FBXO34: variants seen among roughly 807,000 people sequenced by gnomAD.
FBXO34 encodes F-box only protein 34.
Under a neutral mutation model 24.5 loss-of-function variants are expected in FBXO34, and 12 were observed. The ratio of observed to expected loss-of-function variants is 0.49; its 90% confidence interval spans 0.31 to 0.79. FBXO34 has a LOEUF of 0.79. Ranked by LOEUF, FBXO34 falls within the 30% of genes least tolerant of loss-of-function variation. FBXO34 has a pLI of 0.04. For missense variants in FBXO34, 823 were observed against 857.7 expected (o/e 0.96, Z 0.51); for synonymous variants, 320 against 311.9 (o/e 1.03, Z -0.27).
chr14:55,323,959 C>T (rs1594751958), intron 1 of FBXO34, among the ~76,000 whole-genome samples: 1 of 152,036 alleles, frequency 6.6e-6, no homozygotes, highest in South Asian at 2.1e-4. Flanking sequence ...TGAAAGTGTA[C>T]AGTTCACTGG....
chr14:55,294,043 C>T (rs1882037647), intron 1 of FBXO34, among the ~76,000 whole-genome samples: 1 of 152,098 alleles, frequency 6.6e-6, no homozygotes, highest in Non-Finnish European at 1.5e-5. Flanking sequence ...TTCCTTACCT[C>T]CTTAAAATGT....
the FBXO34 span, among the ~76,000 whole-genome samples, chr14:55,420,778 G>T: frequency 6.6e-6 from 1 of 152,088 alleles, no homozygotes; most frequent in African/African-American, 2.4e-5. Flanking sequence ...GAAATTTGGG[G>T]GTTGGGTGCG....
intron 1 of FBXO34, among the ~76,000 whole-genome samples, chr14:55,273,364 A>G (rs533385248): frequency 8.5e-5 from 13 of 152,332 alleles, no homozygotes; most frequent in African/African-American, 3.1e-4. Context: ...TCACAAAACA[A>G]GGCTTTCCTG....
the FBXO34 span, among the ~76,000 whole-genome samples, chr14:55,420,925 G>A: frequency 6.6e-6 from 1 of 151,988 alleles, no homozygotes; most frequent in Non-Finnish European, 1.5e-5. Context: ...GCTGGGCATA[G>A]TGGCAGGTGC....
At chr14:55,373,677 T>G (rs536284382), downstream of FBXO34, among the ~76,000 whole-genome samples, 1 of 152,202 alleles carries the variant, frequency 6.6e-6, no homozygotes, top group South Asian at 2.1e-4. Flanking sequence ...CGGGCTGGTC[T>G]CAAACTCCTG....
At chr14:55,380,508 T>G in the FBXO34 span, 1 of 1,109,506 alleles carries the variant, frequency 9.0e-7, no homozygotes, top group Non-Finnish European at 1.3e-6. Context: ...TTGGAATAAA[T>G]AAAGACAAAA....
chr14:55,332,516 T>C (rs1883631064), intron 1 of FBXO34, among the ~76,000 whole-genome samples: 1 of 152,214 alleles, frequency 6.6e-6, no homozygotes, highest in Non-Finnish European at 1.5e-5. Flanking sequence ...TTGTTGATTA[T>C]TGTAGAAGTG....
intron 1 of FBXO34, among the ~76,000 whole-genome samples, chr14:55,302,962 T>G (rs1053581379): frequency 5.9e-5 from 9 of 152,240 alleles, no homozygotes; most frequent in African/African-American, 1.7e-4. Flanking sequence ...TTGTCAGGGC[T>G]TGTCAGCCGA....
At chr14:55,346,783 G>A (rs1884174194) in intron 1 of FBXO34, among the ~76,000 whole-genome samples, 2 of 152,152 alleles carry the variant, frequency 1.3e-5, no homozygotes, top group South Asian at 2.1e-4. Context: ...AAAAAAGGCC[G>A]TTGAGTTTAT....
downstream of FBXO34, chr14:55,370,068 T>C (rs891562652): frequency 1.9e-5 from 12 of 648,226 alleles, no homozygotes; most frequent in African/African-American, 2.0e-4. Context: ...CAGCACTCCG[T>C]GTTGACATAT....
chr14:55,286,640 G>T lies in FBXO34; in HGVS notation c.-11+15103G>T, dbSNP rs142248051. ...GAGCATTTACTCTGATAGGGTTAAT[G>T]ATTGTAAGCCCCTAACGAAATTTCC... On this transcript the variant is annotated intron_variant, in intron 1 of 1. Transcript: ENST00000313833. Among the ~76,000 whole-genome samples the T allele has an allele frequency of 1.8e-3, 270 of 152,234 alleles. 3 individuals are homozygous for T. The highest frequency in any genetic ancestry group is 6.2e-3 in the African/African-American group (258 of 41,536).
chr14:55,409,935 C>T, the FBXO34 span, among the ~76,000 whole-genome samples: 1 of 151,956 alleles, frequency 6.6e-6, no homozygotes, highest in Non-Finnish European at 1.5e-5. Context: ...GTAGATTGGA[C>T]CAGGTGATGG....
At chr14:55,415,881 A>G in the FBXO34 span, among the ~76,000 whole-genome samples, 2 of 152,172 alleles carry the variant, frequency 1.3e-5, no homozygotes, top group Non-Finnish European at 2.9e-5. Context: ...AAAAAAATGT[A>G]TGGTGTGTAT....
At chr14:55,359,364 C>T (rs1884563480) in intron 3 of FBXO34, among the ~76,000 whole-genome samples, 1 of 152,174 alleles carries the variant, frequency 6.6e-6, no homozygotes, top group Non-Finnish European at 1.5e-5. Flanking sequence ...AAAATTCGTT[C>T]CATCCAACAG....
At chr14:55,288,077 C>T (rs1016516155) in intron 1 of FBXO34, among the ~76,000 whole-genome samples, 2 of 152,114 alleles carry the variant, frequency 1.3e-5, no homozygotes, top group African/African-American at 4.8e-5. Context: ...TCAACCTGTG[C>T]TATCAGCCAG....
At chr14:55,299,163 C>T in intron 1 of FBXO34, 1 of 1,078,388 alleles carries the variant, frequency 9.3e-7, no homozygotes, top group Admixed American at 1.7e-5. Context: ...AGTCAGTGGC[C>T]CCGAAACAGT....
At chr14:55,329,257 ACTCCT>A (rs1566558334) in intron 1 of FBXO34, among the ~76,000 whole-genome samples, 1 of 151,718 alleles carries the variant, frequency 6.6e-6, no homozygotes, top group Non-Finnish European at 1.5e-5. Flanking sequence ...TGTGTCGTAG[ACTCCT>A]CTCCTTAAGA....
the FBXO34 span, among the ~76,000 whole-genome samples, chr14:55,392,407 G>A: frequency 6.6e-6 from 1 of 152,046 alleles, no homozygotes; most frequent in Non-Finnish European, 1.5e-5. Context: ...CTAGACTTTG[G>A]GAAGCTGAGG....
chr14:55,287,805 T>A (rs1881811280), intron 1 of FBXO34, among the ~76,000 whole-genome samples: 1 of 152,206 alleles, frequency 6.6e-6, no homozygotes, highest in Non-Finnish European at 1.5e-5. Context: ...TCTCTGTGAT[T>A]TTATAAACTA....
Sources: gnomAD v4.1 joint callset for allele counts (sites outside exome capture counted in the v4.1 genomes callset) on GRCh38, gnomAD v4.1.1 for gene constraint, MANE v1.5 for transcripts, NCBI Gene and HGNC (gene_info 2026-07-23, HGNC 2026-07-21) for gene names.